Variants in WNT1 observed in about 807,000 individuals in gnomAD.
WNT1 encodes proto-oncogene Wnt-1.
WNT1 carries 10 observed loss-of-function variants against 21.3 expected under a neutral mutation model. That is an observed-to-expected ratio of 0.47 (90% CI 0.29 to 0.80). The LOEUF (loss-of-function observed/expected upper bound fraction) is 0.80. Among genes scored for constraint, WNT1 ranks in the 30% least tolerant of loss-of-function variants. WNT1 has a pLI of 0.09. For synonymous variants in WNT1, 208 were observed against 236.3 expected (o/e 0.88, Z 1.10); for missense variants, 476 against 534.1 (o/e 0.89, Z 1.07).
chr12:48,978,393 A>G lies in WNT1; in HGVS notation c.-258A>G. The G allele has an allele frequency of 1.9e-6, 1 of 533,410 alleles. No homozygotes were observed. Among genetic ancestry groups the G allele is most frequent in the Non-Finnish European group, 3.3e-6 (1 of 300,462 alleles). The allele number at this position is 533,410 out of a possible 1,614,324, so 33.0% of individuals were successfully genotyped here. ...CCTAACCGGTGCGCCCTGGTGCCACAGTGCGGCCCGGAGGGGCAGCCTCCT... is the reference window on the plus strand; with the variant it reads ...CCTAACCGGTGCGCCCTGGTGCCACGGTGCGGCCCGGAGGGGCAGCCTCCT... On this transcript the variant is annotated 5_prime_UTR_variant, in exon 1 of 4. Coordinates refer to ENST00000293549, the MANE Select transcript of WNT1 (RefSeq NM_005430.4). This position sits in a 1 kb window ranked among gnomAD's most constrained non-coding sequence, Gnocchi z 7.4.
chr12:48,978,461 G>T lies in WNT1; in HGVS notation c.-190G>T. The stretch of plus-strand genomic sequence containing the variant: ...CGCCGCAACTATAAGAGGCGGTGCC[G>T]CCCGCCGTGGCCGCCTCAGCCCACC... On this transcript the variant is annotated 5_prime_UTR_variant, in exon 1 of 4. Coordinates refer to ENST00000293549, the MANE Select transcript of WNT1 (RefSeq NM_005430.4). This position sits in a 1 kb window ranked among gnomAD's most constrained non-coding sequence, Gnocchi z 7.4. The T allele has an allele frequency of 1.7e-6, 1 of 586,580 alleles. No homozygotes were observed. Among genetic ancestry groups the T allele is most frequent in the Non-Finnish European group, 3.0e-6 (1 of 330,976 alleles). 36.3% of individuals were successfully genotyped at this position (586,580 alleles called of 1,614,324 possible).
chr12:48,979,363 A>G lies in WNT1; in HGVS notation c.105-105A>G, dbSNP rs1320920539. The stretch of plus-strand genomic sequence containing the variant: ...GAGCGGGTATTATTAATCTCCCGCC[A>G]TTCTCTCCAGCCACATACCCCCAGG... On this transcript the variant is annotated intron_variant, in intron 1 of 3. Coordinates refer to ENST00000293549, the MANE Select transcript of WNT1 (RefSeq NM_005430.4). This position sits in a 1 kb window ranked among gnomAD's most constrained non-coding sequence, Gnocchi z 6.0. 10 of 1,404,578 alleles carry G rather than the reference A, an allele frequency of 7.1e-6. No individual in the cohort carries two copies. In the East Asian group the frequency reaches 2.1e-4, roughly 29 times the overall value. 87.0% of individuals were successfully genotyped at this position (1,404,578 alleles called of 1,614,324 possible).
rs996666087 is a variant in WNT1 at position 48,980,835 on chromosome 12, G to A, written c.624+146G>A. 1.4e-6 allele frequency: 2 copies of A among 1,379,748 alleles called. No homozygotes were observed. The highest frequency in any genetic ancestry group is 1.9e-6 in the Non-Finnish European group (2 of 1,046,160). 85.5% of individuals were successfully genotyped at this position (1,379,748 alleles called of 1,614,324 possible). On this transcript the variant is annotated intron_variant, in intron 3 of 3. Coordinates refer to ENST00000293549, the MANE Select transcript of WNT1 (RefSeq NM_005430.4). This position sits in a 1 kb window ranked among gnomAD's most constrained non-coding sequence, Gnocchi z 7.0. ...AGGCTTGGAACGAAGACGGAGAATA[G>A]AGGAGACAGTGGCTGAGGGCAAAGG... is the stretch of plus-strand genomic sequence containing the variant.
At position 48,981,696 on chromosome 12, in the gene WNT1, A is replaced by C; in HGVS notation, c.*56A>C. On this transcript the variant is annotated 3_prime_UTR_variant, in exon 4 of 4. Transcript: ENST00000293549. The surrounding 1 kb of genome is among the most constrained non-coding windows in gnomAD (Gnocchi z 7.4). ...TCTCCTCGAGCCCTCCCCCAAACAG[A>C]CTCGCTAGCACTCAAGACCCGGTTA... is the stretch of plus-strand genomic sequence containing the variant. 1 of 1,404,150 alleles carries C rather than the reference A, an allele frequency of 7.1e-7. No homozygotes were observed. The highest frequency in any genetic ancestry group is 1.6e-5 in the South Asian group (1 of 64,046). 87.0% of individuals were successfully genotyped at this position (1,404,150 alleles called of 1,614,324 possible).
At position 48,981,059 on chromosome 12, in the gene WNT1, T is replaced by C. The variant is rs1941005868; in HGVS notation, c.625-93T>C. 3.3e-6 allele frequency: 5 copies of C among 1,533,928 alleles called. No homozygotes were observed. Among genetic ancestry groups the C allele is most frequent in the South Asian group, 2.5e-5 (2 of 78,912 alleles). ...AGCTAGGCCTGGGCCTTTGCTGAGG[T>C]CCGGCCCCCGTGGCGTCCGGGAGAG... is the stretch of plus-strand genomic sequence containing the variant. On this transcript the variant is annotated intron_variant, in intron 3 of 3. Coordinates refer to ENST00000293549, the MANE Select transcript of WNT1 (RefSeq NM_005430.4). The surrounding 1 kb of genome is among the most constrained non-coding windows in gnomAD (Gnocchi z 7.4).
In WNT1 at chr12:48,978,821, C is replaced by T. The variant is rs1940970668; in HGVS notation, c.104+67C>T. ...AGAGCCAGGGGCCAACCCTACCCAGCTCCCACGCTCTGGGATCCGTCTGCC... is the reference window on the plus strand; with the variant it reads ...AGAGCCAGGGGCCAACCCTACCCAGTTCCCACGCTCTGGGATCCGTCTGCC... On this transcript the variant is annotated intron_variant, in intron 1 of 3. Coordinates refer to ENST00000293549, the MANE Select transcript of WNT1 (RefSeq NM_005430.4). This position sits in a 1 kb window ranked among gnomAD's most constrained non-coding sequence, Gnocchi z 7.4. The T allele has an allele frequency of 9.1e-7, 1 of 1,104,562 alleles. No homozygotes were observed. The highest frequency in any genetic ancestry group is 1.3e-6 in the Non-Finnish European group (1 of 785,252). 68.4% of individuals were successfully genotyped at this position (1,104,562 alleles called of 1,614,324 possible).
chr12:48,979,740 G>C lies in WNT1; in HGVS notation c.358+19G>C. On this transcript the variant is annotated intron_variant, in intron 2 of 3. Coordinates refer to ENST00000293549, the MANE Select transcript of WNT1 (RefSeq NM_005430.4). This position sits in a 1 kb window ranked among gnomAD's most constrained non-coding sequence, Gnocchi z 6.0. ...AACCGAGGTGGGTGCCCAGGAAGGC[G>C]ACGCTTCCGGGAGCAGGGGAAACGC... 1.3e-6 allele frequency: 2 copies of C among 1,567,666 alleles called. No homozygotes were observed. Among genetic ancestry groups the C allele is most frequent in the African/African-American group, 2.7e-5 (2 of 74,094 alleles).
rs200596675 is a variant in WNT1, at chr12:48,980,721, G to C, written c.624+32G>C. The stretch of plus-strand genomic sequence containing the variant: ...TTTGAGAGGCTCCGCACCCTAAGCG[G>C]AGCGGCAGGGGCCAACCTCGGGCTG... On this transcript the variant is annotated intron_variant, in intron 3 of 3. Coordinates refer to ENST00000293549, the MANE Select transcript of WNT1 (RefSeq NM_005430.4). This position sits in a 1 kb window ranked among gnomAD's most constrained non-coding sequence, Gnocchi z 7.0. The C allele has an allele frequency of 2.7e-6, 4 of 1,506,136 alleles. No individual in the cohort carries two copies. The highest frequency in any genetic ancestry group is 4.6e-5 in the East Asian group (2 of 43,264). The allele number at this position is 1,506,136 out of a possible 1,614,324, so 93.3% of individuals were successfully genotyped here. A position where few individuals can be genotyped will look rare whatever the true frequency, so the allele number is the denominator to read the frequency against.
rs1217671504 is a variant in WNT1 at position 48,980,505 on chromosome 12, C to T, written c.440C>T (p.Ser147Phe). ...GTGGCGCGCTCCTGCTCAGAAGGTT[C>T]CATCGAATCCTGCACGTGTGACTAC... ...HSVARSCSEG[S>F]IESCTCDYRR... The change falls in exon 3 of 4, where the codon TCC becomes TTC. Residue 147 changes from serine (S) to phenylalanine (F), a missense_variant. Physicochemically the swap from Ser to Phe is radical, Grantham distance 155 (BLOSUM62 -2). Transcript: ENST00000293549. The surrounding 1 kb of genome is among the most constrained non-coding windows in gnomAD (Gnocchi z 7.0). 2.5e-6 allele frequency: 4 copies of T among 1,614,194 alleles called. No individual in the cohort carries two copies. The highest frequency in any genetic ancestry group is 3.4e-6 in the Non-Finnish European group (4 of 1,180,020).
Position 48,979,180 on chromosome 12 carries a change from G to A in WNT1, c.105-288G>A, listed in dbSNP as rs2137623086. ...CTGCAGGCCATGATTATCTCGCTCA[G>A]GCTGACCGGAAGAGGCTCGGAGATC... On this transcript the variant is annotated intron_variant, in intron 1 of 3. Transcript: ENST00000293549. The surrounding 1 kb of genome is among the most constrained non-coding windows in gnomAD (Gnocchi z 6.0). Among the ~76,000 whole-genome samples the A allele has an allele frequency of 6.6e-6, 1 of 152,328 alleles. No homozygotes were observed. Among genetic ancestry groups the A allele is most frequent in the Middle Eastern group, 3.4e-3 (1 of 294 alleles).
At position 48,979,211 on chromosome 12, in the gene WNT1, T is replaced by C. The variant is rs1253758008; in HGVS notation, c.105-257T>C. ...CCGGAAGAGGCTCGGAGATCCAAGG[T>C]AGACACTCGGTCTCCGGGTACCTCC... On this transcript the variant is annotated intron_variant, in intron 1 of 3. Transcript: ENST00000293549. The surrounding 1 kb of genome is among the most constrained non-coding windows in gnomAD (Gnocchi z 6.0). Among the ~76,000 whole-genome samples, 2 of 152,136 alleles carry C rather than the reference T, an allele frequency of 1.3e-5. No homozygotes were observed. Among genetic ancestry groups the C allele is most frequent in the African/African-American group, 2.4e-5 (1 of 41,440 alleles).
chr12:48,979,541 A>T lies in WNT1; in HGVS notation c.178A>T (p.Ser60Cys), dbSNP rs775138924. ...SKSLQLVLEP[S>C]LQLLSRKQRR... ...GAGTCTGCAACTGGTACTCGAGCCCAGTCTGCAGCTGTTGAGCCGCAAACA... is the reference window on the plus strand; with the variant it reads ...GAGTCTGCAACTGGTACTCGAGCCCTGTCTGCAGCTGTTGAGCCGCAAACA... The change falls in exon 2 of 4, where the codon AGT (serine) becomes TGT (cysteine). Residue 60 changes from serine (S) to cysteine (C), a missense_variant. Ser to Cys is a moderately radical substitution (Grantham distance 112). Coordinates refer to ENST00000293549, the MANE Select transcript of WNT1 (RefSeq NM_005430.4). This position sits in a 1 kb window ranked among gnomAD's most constrained non-coding sequence, Gnocchi z 6.0. The T allele has an allele frequency of 3.6e-5, 58 of 1,614,104 alleles. No individual in the cohort carries two copies. The highest frequency in any genetic ancestry group is 4.7e-5 in the Non-Finnish European group (55 of 1,180,048).
chr12:48,979,676 C>T lies in WNT1; in HGVS notation c.313C>T (p.Pro105Ser). Reference protein sequence around the residue: ...WQFRNRRWNCPTAPGPHLFGK... With the variant: ...WQFRNRRWNCSTAPGPHLFGK... The stretch of plus-strand genomic sequence containing the variant: ...GTTCCGGAATCGCCGCTGGAACTGT[C>T]CCACTGCTCCAGGGCCCCACCTCTT... The change falls in exon 2 of 4, where the codon CCC (proline) becomes TCC (serine). Residue 105 changes from proline (P) to serine (S), a missense_variant. Pro to Ser is a moderately conservative substitution (Grantham distance 74). Transcript: ENST00000293549. The surrounding 1 kb of genome is among the most constrained non-coding windows in gnomAD (Gnocchi z 6.0). 1 of 1,609,368 alleles carries T rather than the reference C, an allele frequency of 6.2e-7. No individual in the cohort carries two copies. Among genetic ancestry groups the T allele is most frequent in the Non-Finnish European group, 8.5e-7 (1 of 1,176,620 alleles).
rs1210303190 is a variant in WNT1 at position 48,981,868 on chromosome 12, T to C, written c.*228T>C. Among the ~76,000 whole-genome samples, 1 of 152,136 alleles carries C rather than the reference T, an allele frequency of 6.6e-6. No homozygotes were observed. Among genetic ancestry groups the C allele is most frequent in the Non-Finnish European group, 1.5e-5 (1 of 67,998 alleles). ...CATCCTGATGGACCTGCCCCGGACC[T>C]ACCTCCCTCCCTCTCCGCGGGAGAC... On this transcript the variant is annotated 3_prime_UTR_variant, in exon 4 of 4. Transcript: ENST00000293549. The surrounding 1 kb of genome is among the most constrained non-coding windows in gnomAD (Gnocchi z 7.4).
In WNT1 at chr12:48,981,518, G is replaced by C. The variant is rs1200558724; in HGVS notation, c.991G>C (p.Gly331Arg). 3.9e-6 allele frequency: 6 copies of C among 1,547,128 alleles called. No individual in the cohort carries two copies. In the East Asian group the frequency reaches 9.8e-5, roughly 25 times the overall value. Reference protein sequence around the residue: ...ALDGCELLCCGRGHRTRTQRV... With the variant: ...ALDGCELLCCRRGHRTRTQRV... ...GGACGGCTGCGAGCTGCTCTGCTGCGGCAGGGGCCACCGCACGCGCACGCA... is the reference window on the plus strand; with the variant it reads ...GGACGGCTGCGAGCTGCTCTGCTGCCGCAGGGGCCACCGCACGCGCACGCA... The change falls in exon 4 of 4, where the codon GGC becomes CGC. Residue 331 changes from glycine (G) to arginine (R), a missense_variant. Transcript: ENST00000293549. This position sits in a 1 kb window ranked among gnomAD's most constrained non-coding sequence, Gnocchi z 7.4.
At position 48,980,445 on chromosome 12, in the gene WNT1, T is replaced by A; in HGVS notation, c.380T>A (p.Ile127Asn). The change falls in exon 3 of 4, where the codon ATC becomes AAC. Residue 127 changes from isoleucine (I) to asparagine (N), a missense_variant. Coordinates refer to ENST00000293549, the MANE Select transcript of WNT1 (RefSeq NM_005430.4). This position sits in a 1 kb window ranked among gnomAD's most constrained non-coding sequence, Gnocchi z 7.0. ...ACAGGCTGTCGAGAAACGGCGTTTA[T>A]CTTCGCTATCACCTCCGCCGGGGTC... is the stretch of plus-strand genomic sequence containing the variant. ...VNRGCRETAF[I>N]FAITSAGVTH... 1 of 1,614,224 alleles carries A rather than the reference T, an allele frequency of 6.2e-7. No homozygotes were observed. Among genetic ancestry groups the A allele is most frequent in the Non-Finnish European group, 8.5e-7 (1 of 1,180,038 alleles).
At position 48,980,654 on chromosome 12, in the gene WNT1, C is replaced by T. The variant is rs772335979; in HGVS notation, c.589C>T (p.Leu197Phe). ...SGEKGRDLRF[L>F]MNLHNNEAGR... Reference sequence around the variant, plus strand: ...GGAGAAGGGGCGGGACCTGCGCTTCCTCATGAACCTTCACAACAACGAGGC... The same window carrying T: ...GGAGAAGGGGCGGGACCTGCGCTTCTTCATGAACCTTCACAACAACGAGGC... Residue 197 changes from leucine (L) to phenylalanine (F), a missense_variant, in exon 3 of 4, where the codon CTC (leucine) becomes TTC (phenylalanine). Coordinates refer to ENST00000293549, the MANE Select transcript of WNT1 (RefSeq NM_005430.4). The surrounding 1 kb of genome is among the most constrained non-coding windows in gnomAD (Gnocchi z 7.0). 5 of 1,576,120 alleles carry T rather than the reference C, an allele frequency of 3.2e-6. No individual in the cohort carries two copies. Among genetic ancestry groups the T allele is most frequent in the Middle Eastern group, 1.7e-4 (1 of 5,896 alleles).
Position 48,979,357 on chromosome 12 carries a change from C to T in WNT1, c.105-111C>T, listed in dbSNP as rs996054943. 30 of 1,370,718 alleles carry T rather than the reference C, an allele frequency of 2.2e-5. No homozygotes were observed. The Admixed American group carries it at 6.4e-4, about 29-fold the overall frequency. The allele number at this position is 1,370,718 out of a possible 1,614,324, so 84.9% of individuals were successfully genotyped here. A position where few individuals can be genotyped will look rare whatever the true frequency, so the allele number is the denominator to read the frequency against. ...CTGGGAGAGCGGGTATTATTAATCT[C>T]CCGCCATTCTCTCCAGCCACATACC... On this transcript the variant is annotated intron_variant, in intron 1 of 3. Coordinates refer to ENST00000293549, the MANE Select transcript of WNT1 (RefSeq NM_005430.4). The surrounding 1 kb of genome is among the most constrained non-coding windows in gnomAD (Gnocchi z 6.0).
chr12:48,979,447 AG>A lies in WNT1; in HGVS notation c.105-20del. 1 of 1,584,230 alleles carries A rather than the reference AG, an allele frequency of 6.3e-7. No individual in the cohort carries two copies. The highest frequency in any genetic ancestry group is 8.6e-7 in the Non-Finnish European group (1 of 1,158,634). ...GGTGCGGATCCCCTTCCTGAGCCTGAGCTATCATACGTCCCACCAGGGGTAT... is the reference window on the plus strand; with the variant it reads ...GGTGCGGATCCCCTTCCTGAGCCTGACTATCATACGTCCCACCAGGGGTAT... On this transcript the variant is annotated intron_variant, in intron 1 of 3. Transcript: ENST00000293549. This position sits in a 1 kb window ranked among gnomAD's most constrained non-coding sequence, Gnocchi z 6.0.
Sources: allele counts gnomAD v4.1 joint callset (sites outside exome capture counted in the v4.1 genomes callset), GRCh38; gene constraint gnomAD v4.1.1; non-coding constraint Gnocchi (gnomAD v3.1); transcripts MANE v1.5; gene names NCBI Gene and HGNC (gene_info 2026-07-23, HGNC 2026-07-21).